NUP210: variants seen among roughly 807,000 people sequenced by gnomAD.
NUP210 encodes the protein nucleoporin 210.
Under a neutral mutation model 196.0 loss-of-function variants are expected in NUP210, and 151 were observed. The observed-to-expected ratio is 0.77, with a 90% CI of 0.67 to 0.88. The LOEUF is 0.88. Ranked by LOEUF, NUP210 falls within the 40% of genes least tolerant of loss-of-function variation. The probability of loss-of-function intolerance (pLI) is 0.00; values close to 1 mark genes in which losing one functional copy is unlikely to be tolerated. For missense variants in NUP210, 2,314 were observed against 2,493.7 expected (o/e 0.93, Z 1.53); for synonymous variants, 1,070 against 1,052.7 (o/e 1.02, Z -0.32).
At position 13,336,819 on chromosome 3, in the gene NUP210, C is replaced by T; in HGVS notation, c.3652G>A (p.Asp1218Asn). The change falls in exon 27 of 40, where the codon GAC becomes AAC. Residue 1218 changes from aspartate (D) to asparagine (N), a missense_variant. Transcript: ENST00000254508. ...TGCCGCCCTCGGAGGTCCAGGACGT[C>T]CCGCTTGGTGACAGACCAGTGGAAG... ...LTFHWSVTKR[D>N]VLDLRGRHHE... is the part of the protein sequence containing the mutation. 1.9e-6 allele frequency: 3 copies of T among 1,613,812 alleles called. No homozygotes were observed. Among genetic ancestry groups the T allele is most frequent in the Non-Finnish European group, 2.5e-6 (3 of 1,179,900 alleles).
In NUP210 at chr3:13,372,066, C is replaced by G. The variant is rs779952462; in HGVS notation, c.1588-34G>C. 155 of 1,516,490 alleles carry G rather than the reference C, an allele frequency of 1.0e-4. 1 individual carries two copies. The highest frequency in any genetic ancestry group is 1.3e-4 in the Non-Finnish European group (151 of 1,125,224). The allele number at this position is 1,516,490 out of a possible 1,614,324, so 93.9% of individuals were successfully genotyped here. ...CAGGGGCATGGCCTGGGCTCAGCTG[C>G]CTCCACAGGAGAGGCAGGGCCTGTT... On this transcript the variant is annotated intron_variant, in intron 12 of 39. Coordinates refer to ENST00000254508, the MANE Select transcript of NUP210 (RefSeq NM_024923.4).
chr3:13,320,891 CAA>C (rs35758403), intron 36 of NUP210, among the ~76,000 whole-genome samples: 11 of 126,918 alleles, frequency 8.7e-5, no homozygotes, highest in Non-Finnish European at 1.2e-4. Flanking sequence ...GACTCCATCT[CAA>C]AAAAAAAAAA....
At chr3:13,342,700 T>C (rs1697561414) in intron 21 of NUP210, among the ~76,000 whole-genome samples, 2 of 152,134 alleles carry the variant, frequency 1.3e-5, no homozygotes, top group African/African-American at 2.4e-5. Context: ...ATATCTGGAG[T>C]AATAAAAATT....
At chr3:13,362,537 C>A (rs532712200) in intron 14 of NUP210, among the ~76,000 whole-genome samples, 4 of 152,182 alleles carry the variant, frequency 2.6e-5, no homozygotes, top group Non-Finnish European at 5.9e-5. Context: ...CAAGGTGTTT[C>A]GTTAAGGCGA....
rs368373942 is a variant in NUP210, at chr3:13,400,323, A to G, written c.168-462T>C. Among the ~76,000 whole-genome samples, 5 of 152,098 alleles carry G rather than the reference A, an allele frequency of 3.3e-5. No homozygotes were observed. The East Asian group carries it at 7.8e-4, about 24-fold the overall frequency. On this transcript the variant is annotated intron_variant, in intron 1 of 39. Coordinates refer to ENST00000254508, the MANE Select transcript of NUP210 (RefSeq NM_024923.4). The stretch of plus-strand genomic sequence containing the variant: ...CTCCAGGCATCAGCTTCCAACCCCA[A>G]CGGGTTCCACTAACCCTGGGGATCA...
Position 13,420,280 on chromosome 3 carries a change from G to C in NUP210, c.-54C>G, listed in dbSNP as rs1043264328. On this transcript the variant is annotated 5_prime_UTR_variant, in exon 1 of 40. Coordinates refer to ENST00000254508, the MANE Select transcript of NUP210 (RefSeq NM_024923.4). This position sits in a 1 kb window ranked among gnomAD's most constrained non-coding sequence, Gnocchi z 4.8. ...TGCGCCCGGCCGCCCGCGCCGCCCC[G>C]TTGCCCTCCGCTCCCGCCCGCGCGC... 9 of 1,020,608 alleles carry C rather than the reference G, an allele frequency of 8.8e-6. No individual in the cohort carries two copies. In the African/African-American group the frequency reaches 1.4e-4, roughly 16 times the overall value. The allele number at this position is 1,020,608 out of a possible 1,614,324, so 63.2% of individuals were successfully genotyped here.
chr3:13,376,937 G>C (rs1379177321), intron 9 of NUP210, among the ~76,000 whole-genome samples: 2 of 152,026 alleles, frequency 1.3e-5, no homozygotes, highest in African/African-American at 4.8e-5. Flanking sequence ...TCTCACAGGG[G>C]ACAGAGAGGC....
intron 29 of NUP210, 80 bp from the exon 30 acceptor site, chr3:13,330,714 A>G (rs1231365124): frequency 1.2e-5 from 16 of 1,357,720 alleles, no homozygotes; most frequent in Non-Finnish European, 1.5e-5. Context: ...GAGATCTAAG[A>G]GTCTGTGGCT....
rs542615828 is a variant in NUP210, at chr3:13,371,583, A to G, written c.1786+251T>C. ...TAGGCACTTTGATGTGATTCTATGT[A>G]GATGACACACAGCTTAGAGATGTGA... is the stretch of plus-strand genomic sequence containing the variant. On this transcript the variant is annotated intron_variant, in intron 13 of 39. Coordinates refer to ENST00000254508, the MANE Select transcript of NUP210 (RefSeq NM_024923.4). Among the ~76,000 whole-genome samples the G allele has an allele frequency of 2.7e-3, 419 of 152,380 alleles. 1 individual carries two copies. The highest frequency in any genetic ancestry group is 4.6e-3 in the Non-Finnish European group (312 of 68,032).
rs1269347253 is a variant in NUP210, at chr3:13,328,196, C to T, written c.4286+575G>A. ...TAAACTGATGGATGGCAATTATGTG[C>T]GCACACACGGAGTGCCATGGTTTGC... On this transcript the variant is annotated intron_variant, in intron 31 of 39. Coordinates refer to ENST00000254508, the MANE Select transcript of NUP210 (RefSeq NM_024923.4). 5.3e-5 allele frequency among the ~76,000 whole-genome samples: 8 copies of T among 152,226 alleles called. 1 individual carries two copies. Among genetic ancestry groups the T allele is most frequent in the Admixed American group, 2.0e-4 (3 of 15,292 alleles).
chr3:13,405,110 A>C (rs1054387483), intron 1 of NUP210, among the ~76,000 whole-genome samples: 5 of 152,160 alleles, frequency 3.3e-5, no homozygotes, highest in Non-Finnish European at 7.3e-5. Flanking sequence ...CAGTGACCAG[A>C]TATTTGGTCA....
chr3:13,366,243 C>T, intron 13 of NUP210, 152 bp from the exon 14 acceptor site: 1 of 704,276 alleles, frequency 1.4e-6, no homozygotes, highest in South Asian at 2.0e-5. Context: ...ATTCTCCTGC[C>T]TCAGCCTCCC....
intron 28 of NUP210, among the ~76,000 whole-genome samples, chr3:13,333,079 C>T (rs1697064462): frequency 6.6e-6 from 1 of 152,196 alleles, no homozygotes; most frequent in African/African-American, 2.4e-5. Context: ...TTGCAGGATC[C>T]ACATAGACAC....
intron 14 of NUP210, among the ~76,000 whole-genome samples, chr3:13,361,896 G>A (rs752406328): frequency 2.6e-5 from 4 of 152,078 alleles, no homozygotes; most frequent in African/African-American, 4.8e-5. Flanking sequence ...CCAGGCCTTC[G>A]AAGAGGCTAC....
intron 1 of NUP210, among the ~76,000 whole-genome samples, chr3:13,410,917 C>CCA (rs1700152811): frequency 1.3e-5 from 1 of 77,464 alleles, no homozygotes; most frequent in South Asian, 4.9e-4. Context: ...GACTCTGTCT[C>CCA]AAAAAAAAAA....
At position 13,347,352 on chromosome 3, in the gene NUP210, G is replaced by C; in HGVS notation, c.2836-4049C>G. The C allele has an allele frequency of 7.1e-6, 7 of 984,756 alleles. No individual in the cohort carries two copies. The highest frequency in any genetic ancestry group is 8.4e-6 in the Non-Finnish European group (7 of 829,320). The allele number at this position is 984,756 out of a possible 1,614,324, so 61.0% of individuals were successfully genotyped here. Reference sequence around the variant, plus strand: ...CCTTCCCCTGCTCTGGTCATCTCATGGGTTCCGCCTAGAGGACTTGATTGA... The same window carrying C: ...CCTTCCCCTGCTCTGGTCATCTCATCGGTTCCGCCTAGAGGACTTGATTGA... On this transcript the variant is annotated intron_variant, in intron 20 of 39. Transcript: ENST00000254508. This position sits in a 1 kb window ranked among gnomAD's most constrained non-coding sequence, Gnocchi z 4.7.
chr3:13,397,280 G>A, intron 3 of NUP210, 77 bp downstream of exon 3: 1 of 1,521,590 alleles, frequency 6.6e-7, no homozygotes, highest in African/African-American at 1.4e-5. Context: ...AGTGGGGAAT[G>A]CAGAGAGGCC....
Position 13,420,227 on chromosome 3 carries a change from C to T in NUP210, c.-1G>A, listed in dbSNP as rs779378699. 3 of 1,126,568 alleles carry T rather than the reference C, an allele frequency of 2.7e-6. No individual in the cohort carries two copies. The highest frequency in any genetic ancestry group is 7.6e-5 in the South Asian group (2 of 26,180). The allele number at this position is 1,126,568 out of a possible 1,614,324, so 69.8% of individuals were successfully genotyped here. On this transcript the variant is annotated 5_prime_UTR_variant, in exon 1 of 40. Transcript: ENST00000254508. This position sits in a 1 kb window ranked among gnomAD's most constrained non-coding sequence, Gnocchi z 4.8. ...GCAGCCCCCGGCCCCGCGCCGCCAT[C>T]CTCGCCGCGCGTCACCTCCCGCGAC...
intron 12 of NUP210, 148 bp from the exon 13 acceptor site, chr3:13,372,180 A>G (rs1344428939): frequency 2.6e-6 from 2 of 778,876 alleles, no homozygotes; most frequent in African/African-American, 3.5e-5. Flanking sequence ...ATTCAGGGAC[A>G]GAGAGCAGGG....
Sources: gnomAD v4.1 joint callset for allele counts (sites outside exome capture counted in the v4.1 genomes callset) on GRCh38, gnomAD v4.1.1 for gene constraint, Gnocchi (gnomAD v3.1) non-coding constraint, MANE v1.5 for transcripts, NCBI Gene and HGNC (gene_info 2026-07-23, HGNC 2026-07-21) for gene names.